Variants in YME1L1 observed in about 807,000 individuals in gnomAD.
YME1L1 encodes the protein ATP-dependent zinc metalloprotease YME1L1.
Under a neutral mutation model 90.4 loss-of-function variants are expected in YME1L1, and 39 were observed. That is an observed-to-expected ratio of 0.43 (90% CI 0.33 to 0.56). The LOEUF is 0.56. Among genes scored for constraint, YME1L1 ranks in the 20% least tolerant of loss-of-function variants. YME1L1 has a pLI of 0.03. For missense variants in YME1L1, 617 were observed against 868.4 expected, an observed-to-expected ratio of 0.71 and a Z score of 3.64; for synonymous variants, 284 against 287.3, an observed-to-expected ratio of 0.99 and a Z score of 0.12.
intron 9 of YME1L1, among the ~76,000 whole-genome samples, chr10:27,125,060 G>T (rs929472385): frequency 3.9e-5 from 6 of 152,164 alleles, no homozygotes; most frequent in African/African-American, 1.2e-4. Flanking sequence ...TGTATTTTCA[G>T]TGGAGATAGT....
intron 1 of YME1L1, 111 bp downstream of exon 1, chr10:27,154,067 A>T: frequency 7.3e-7 from 1 of 1,368,118 alleles, no homozygotes; most frequent in Non-Finnish European, 1.0e-6. Flanking sequence ...CGCATTGAGT[A>T]CATCACTTCA....
At chr10:27,136,114 G>C (rs2057024320) in intron 5 of YME1L1, among the ~76,000 whole-genome samples, 162 bp downstream of exon 5, 1 of 152,178 alleles carries the variant, frequency 6.6e-6, no homozygotes, top group South Asian at 2.1e-4. Context: ...CTGGTGCCCA[G>C]AAGAGTTAGA....
chr10:27,112,619 T>C (rs1164399092), intron 18 of YME1L1, among the ~76,000 whole-genome samples: 1 of 152,228 alleles, frequency 6.6e-6, no homozygotes, highest in Non-Finnish European at 1.5e-5. Flanking sequence ...GCCATTTGAC[T>C]ATGGAGCTAT....
At chr10:27,119,752 T>C (rs866770016) in intron 13 of YME1L1, among the ~76,000 whole-genome samples, 82 of 148,792 alleles carry the variant, frequency 5.5e-4, no homozygotes, top group African/African-American at 2.0e-3. Context: ...GAGGTTGCAG[T>C]AAGCCAAGAT....
chr10:27,148,642 A>G (rs924913262), intron 2 of YME1L1, among the ~76,000 whole-genome samples: 12 of 152,204 alleles, frequency 7.9e-5, no homozygotes, highest in Admixed American at 7.2e-4. Flanking sequence ...GATTTTCTTA[A>G]TAACATTTTC....
intron 12 of YME1L1, among the ~76,000 whole-genome samples, 160 bp downstream of exon 12, chr10:27,121,226 G>A (rs923829544): frequency 3.9e-5 from 6 of 152,014 alleles, no homozygotes; most frequent in African/African-American, 1.4e-4. Flanking sequence ...CTAACCTCTG[G>A]TAACCGCTAA....
intron 1 of YME1L1, among the ~76,000 whole-genome samples, chr10:27,153,440 T>C (rs1202957919): frequency 1.3e-5 from 2 of 152,180 alleles, no homozygotes; most frequent in Non-Finnish European, 2.9e-5. Flanking sequence ...TTTGCAAAAC[T>C]GTAGGAACTC....
chr10:27,115,658 C>G (rs570610243), intron 17 of YME1L1, among the ~76,000 whole-genome samples: 1 of 152,046 alleles, frequency 6.6e-6, no homozygotes, highest in African/African-American at 2.4e-5. Context: ...CTTGAAAAAC[C>G]TTGGCAGCTA....
At chr10:27,149,388 C>T (rs1307025164) in intron 1 of YME1L1, among the ~76,000 whole-genome samples, 2 of 152,090 alleles carry the variant, frequency 1.3e-5, no homozygotes, top group African/African-American at 2.4e-5. Flanking sequence ...AAGCTGGAAA[C>T]ATCCAGCATT....
chr10:27,110,540 A>G lies in YME1L1; in HGVS notation c.*1437T>C, dbSNP rs1250630125. The G allele has an allele frequency of 6.6e-6, 1 of 152,126 alleles. No homozygotes were observed. Among genetic ancestry groups the G allele is most frequent in the Non-Finnish European group, 1.5e-5 (1 of 68,036 alleles). 9.4% of individuals were successfully genotyped at this position (152,126 alleles called of 1,614,324 possible). A position where few individuals can be genotyped will look rare whatever the true frequency, so the allele number is the denominator to read the frequency against. ...TACCAATACAATGTGTTCTAAAATA[A>G]TTTTTCTATTGAGTTAAATATTCAT... On this transcript the variant is annotated 3_prime_UTR_variant, in exon 19 of 19. Transcript: ENST00000376016.
intron 2 of YME1L1, 134 bp downstream of exon 2, chr10:27,148,770 TTA>T: frequency 1.9e-6 from 2 of 1,044,706 alleles, no homozygotes. Context: ...GTATTAGTAG[TTA>T]AGTTTCTCAG....
rs1008761565 is a variant in YME1L1 at position 27,110,467 on chromosome 10, G to A, written c.*1510C>T. On this transcript the variant is annotated 3_prime_UTR_variant, in exon 19 of 19. Transcript: ENST00000376016. Reference sequence around the variant, plus strand: ...ATACAGCTTAAATTATTAGGAAATTGTAGATAATTTTAATGAAGTCAACGT... The same window carrying A: ...ATACAGCTTAAATTATTAGGAAATTATAGATAATTTTAATGAAGTCAACGT... 1 of 152,132 alleles carries A rather than the reference G, an allele frequency of 6.6e-6. No homozygotes were observed. The highest frequency in any genetic ancestry group is 1.5e-5 in the Non-Finnish European group (1 of 68,026). The allele number at this position is 152,132 out of a possible 1,614,324, so 9.4% of individuals were successfully genotyped here.
chr10:27,123,467 A>G, intron 10 of YME1L1, 80 bp downstream of exon 10: 1 of 1,466,746 alleles, frequency 6.8e-7, no homozygotes, highest in Non-Finnish European at 9.2e-7. Flanking sequence ...GAAGAAAAAA[A>G]GTAATTAGCA....
chr10:27,111,545 T>C lies in YME1L1; in HGVS notation c.*432A>G, dbSNP rs2056758952. On this transcript the variant is annotated 3_prime_UTR_variant, in exon 19 of 19. Coordinates refer to ENST00000376016, the MANE Select transcript of YME1L1 (RefSeq NM_014263.4). ...TTCCGAGACTGCTTTTAATCCCAACTTCTCTACATTTAGATTAAAAAATAT... is the reference window on the plus strand; with the variant it reads ...TTCCGAGACTGCTTTTAATCCCAACCTCTCTACATTTAGATTAAAAAATAT... 4.4e-6 allele frequency: 1 copy of C among 229,102 alleles called. No homozygotes were observed. Among genetic ancestry groups the C allele is most frequent in the South Asian group, 5.3e-5 (1 of 18,810 alleles). 14.2% of individuals were successfully genotyped at this position (229,102 alleles called of 1,614,324 possible).
intron 9 of YME1L1, among the ~76,000 whole-genome samples, chr10:27,124,513 T>C (rs2056898001): frequency 6.6e-6 from 1 of 152,180 alleles, no homozygotes; most frequent in Non-Finnish European, 1.5e-5. Context: ...ACATGTTTGC[T>C]GCATTTTAAC....
chr10:27,118,687 C>G, intron 14 of YME1L1, among the ~76,000 whole-genome samples: 1 of 152,272 alleles, frequency 6.6e-6, no homozygotes, highest in South Asian at 2.1e-4. Context: ...CATCTTAATT[C>G]AAAAGGGAAA....
intron 15 of YME1L1, 127 bp from the exon 16 acceptor site, chr10:27,116,472 G>C (rs940878612): frequency 3.2e-6 from 3 of 949,176 alleles, no homozygotes; most frequent in Non-Finnish European, 4.6e-6. Context: ...TTCGAGACCA[G>C]CCTGACCAAC....
intron 4 of YME1L1, among the ~76,000 whole-genome samples, chr10:27,137,846 T>C (rs1360007): frequency 0.5 from 75,903 of 151,968 alleles, 21,673 homozygotes; most frequent in Non-Finnish European, 0.65. Flanking sequence ...GTTATATATA[T>C]TGTAAACATT....
chr10:27,143,764 A>C (rs958372780), intron 3 of YME1L1, among the ~76,000 whole-genome samples: 1 of 152,022 alleles, frequency 6.6e-6, no homozygotes, highest in South Asian at 2.1e-4. Flanking sequence ...GAACATAAAG[A>C]GATAAAGAAC....
Sources: gnomAD v4.1 joint callset for allele counts (sites outside exome capture counted in the v4.1 genomes callset) on GRCh38, gnomAD v4.1.1 for gene constraint, MANE v1.5 for transcripts, NCBI Gene and HGNC (gene_info 2026-07-23, HGNC 2026-07-21) for gene names.